DEPDC5: variants seen among roughly 807,000 people sequenced by gnomAD.
DEPDC5 encodes GATOR1 complex protein DEPDC5.
In DEPDC5, 73 loss-of-function variants were observed where a neutral mutation model predicts 217.3. The observed-to-expected ratio is 0.34, with a 90% CI of 0.28 to 0.41. The LOEUF is 0.41. DEPDC5 is among the 10% of genes least tolerant of loss of function. The probability of loss-of-function intolerance (pLI) is 1.00; values close to 1 mark genes in which losing one functional copy is unlikely to be tolerated. For synonymous variants in DEPDC5, 733 were observed against 756.7 expected (o/e 0.97, Z 0.51); for missense variants, 1,675 against 2,070.1 (o/e 0.81, Z 3.70).
rs767934235 is a variant in DEPDC5, at chr22:31,804,148, T to G, written c.1082-14T>G. On this transcript the variant is annotated splice_polypyrimidine_tract_variant and intron_variant, in intron 15 of 42. Coordinates refer to ENST00000651528, the MANE Select transcript of DEPDC5 (RefSeq NM_001242896.3). The stretch of plus-strand genomic sequence containing the variant: ...TTCCCTCCCCACAATTCTTTTTGTC[T>G]TTTCTTTTTTTAGGAATTGGTGTGG... 3 of 1,613,900 alleles carry G rather than the reference T, an allele frequency of 1.9e-6. No homozygotes were observed. The African/African-American group carries it at 4.0e-5, about 22-fold the overall frequency.
chr22:31,880,351 A>G (rs770671367), intron 38 of DEPDC5: 2 of 155,524 alleles, frequency 1.3e-5, no homozygotes, highest in African/African-American at 2.4e-5. Context: ...GAAATGGGGA[A>G]CTCTGAGCTA....
intron 31 of DEPDC5, among the ~76,000 whole-genome samples, chr22:31,857,058 A>G (rs117301147): frequency 7.8e-4 from 119 of 152,344 alleles, no homozygotes; most frequent in Non-Finnish European, 1.5e-3. Flanking sequence ...GGCATGAGCC[A>G]CCACACAGTC....
intron 24 of DEPDC5, among the ~76,000 whole-genome samples, chr22:31,828,864 A>C (rs577793934): frequency 6.6e-6 from 1 of 152,354 alleles, no homozygotes; most frequent in African/African-American, 2.4e-5. Context: ...TTCTCTTTCA[A>C]GCAATTCCCA....
chr22:31,906,494 G>T lies in DEPDC5; in HGVS notation c.4809G>T (p.Pro1603=). ...SCLEKMHASA[P] Reference sequence around the variant, plus strand: ...TGGAGAAGATGCATGCCAGTGCCCCGTGAGGCCAGGCTGCACCTGTGCTGG... The same window carrying T: ...TGGAGAAGATGCATGCCAGTGCCCCTTGAGGCCAGGCTGCACCTGTGCTGG... The change falls in exon 43 of 43, where the codon CCG becomes CCT. Residue 1603 remains proline (P), a synonymous_variant. Transcript: ENST00000651528. The surrounding 1 kb of genome is among the most constrained non-coding windows in gnomAD (Gnocchi z 5.1). 6.2e-7 allele frequency: 1 copy of T among 1,613,588 alleles called. No homozygotes were observed. Among genetic ancestry groups the T allele is most frequent in the East Asian group, 2.2e-5 (1 of 44,878 alleles).
At chr22:31,837,701 CT>C (rs1040340000) in intron 26 of DEPDC5, among the ~76,000 whole-genome samples, 1 of 148,176 alleles carries the variant, frequency 6.7e-6, no homozygotes, top group African/African-American at 2.5e-5. Context: ...ATTTGGGTAA[CT>C]TTTTTTTTTA....
chr22:31,814,478 G>C (rs1821504738), intron 20 of DEPDC5: 1 of 154,196 alleles, frequency 6.5e-6, no homozygotes, highest in South Asian at 2.0e-4. Context: ...AATGCCTTTT[G>C]TGTGTGTGTG....
chr22:31,824,839 G>A (rs1333934369), intron 24 of DEPDC5, among the ~76,000 whole-genome samples: 6 of 152,008 alleles, frequency 3.9e-5, no homozygotes, highest in African/African-American at 1.4e-4. Flanking sequence ...AACTGGGCGT[G>A]GTGGCGGGCA....
Position 31,906,174 on chromosome 22 carries a change from C to T in DEPDC5, c.4520-31C>T. On this transcript the variant is annotated intron_variant, in intron 42 of 42. Coordinates refer to ENST00000651528, the MANE Select transcript of DEPDC5 (RefSeq NM_001242896.3). The surrounding 1 kb of genome is among the most constrained non-coding windows in gnomAD (Gnocchi z 5.1). ...CAGGCTCCAGGAGCCCTCCTGGTGGCTGCCACACAGGCGCTCCCCTTTCTC... is the reference window on the plus strand; with the variant it reads ...CAGGCTCCAGGAGCCCTCCTGGTGGTTGCCACACAGGCGCTCCCCTTTCTC... 6.2e-7 allele frequency: 1 copy of T among 1,612,654 alleles called. No homozygotes were observed. The highest frequency in any genetic ancestry group is 8.5e-7 in the Non-Finnish European group (1 of 1,179,078).
chr22:31,817,632 G>A (rs2089278943), intron 21 of DEPDC5: 1 of 183,294 alleles, frequency 5.5e-6, no homozygotes, highest in South Asian at 9.8e-5. Context: ...GGGACTACAG[G>A]TGTGCACCAC....
At position 31,906,640 on chromosome 22, in the gene DEPDC5, T is replaced by G; in HGVS notation, c.*143T>G. On this transcript the variant is annotated 3_prime_UTR_variant, in exon 43 of 43. Coordinates refer to ENST00000651528, the MANE Select transcript of DEPDC5 (RefSeq NM_001242896.3). This position sits in a 1 kb window ranked among gnomAD's most constrained non-coding sequence, Gnocchi z 5.1. ...GGGCCATTGTTTTTTGTTTGTTTGT[T>G]TGTTTGTTTGTTTGTTTTTGGCCCC... 2 of 1,108,990 alleles carry G rather than the reference T, an allele frequency of 1.8e-6. No homozygotes were observed. The highest frequency in any genetic ancestry group is 2.5e-6 in the Non-Finnish European group (2 of 785,468). 68.7% of individuals were successfully genotyped at this position (1,108,990 alleles called of 1,614,324 possible). A position where few individuals can be genotyped will look rare whatever the true frequency, so the allele number is the denominator to read the frequency against.
At chr22:31,810,672 A>G in intron 20 of DEPDC5, 31 bp downstream of exon 20, 2 of 1,611,848 alleles carry the variant, frequency 1.2e-6, no homozygotes, top group Non-Finnish European at 1.7e-6. Context: ...GGGGGTGCAT[A>G]TAAAAATTGT....
At chr22:31,762,933 G>A (rs1279599136) in intron 4 of DEPDC5, among the ~76,000 whole-genome samples, 5 of 151,928 alleles carry the variant, frequency 3.3e-5, no homozygotes, top group African/African-American at 1.2e-4. Flanking sequence ...TCCTGCCTCA[G>A]CCTCCCAGGT....
At chr22:31,847,008 A>G in intron 31 of DEPDC5, 41 bp downstream of exon 31, 1 of 1,613,788 alleles carries the variant, frequency 6.2e-7, no homozygotes, top group Non-Finnish European at 8.5e-7. Context: ...CCACCTTGAC[A>G]GCCCTGAGGG....
At chr22:31,884,326 C>G (rs567455795) in intron 38 of DEPDC5, among the ~76,000 whole-genome samples, 1 of 152,212 alleles carries the variant, frequency 6.6e-6, no homozygotes, top group African/African-American at 2.4e-5. Flanking sequence ...TAAAGCATCC[C>G]TGTCGATCTG....
intron 38 of DEPDC5, among the ~76,000 whole-genome samples, chr22:31,882,117 A>T (rs1035940592): frequency 6.6e-6 from 1 of 152,208 alleles, no homozygotes; most frequent in Non-Finnish European, 1.5e-5. Context: ...AGTGTTAATC[A>T]TTCACTTATA....
chr22:31,864,770 C>T lies in DEPDC5; in HGVS notation c.3330+3337C>T, dbSNP rs886995611. ...GTGGTGCGATCTCAGCCCACTGTAA[C>T]CTCCGCCTCCTGGGTTCAAGTGATT... On this transcript the variant is annotated intron_variant, in intron 33 of 42. Transcript: ENST00000651528. Among the ~76,000 whole-genome samples the T allele has an allele frequency of 2.0e-5, 3 of 151,674 alleles. No homozygotes were observed. The South Asian group carries it at 6.2e-4, about 32-fold the overall frequency.
At chr22:31,886,308 T>C (rs2093311142) in intron 38 of DEPDC5, among the ~76,000 whole-genome samples, 1 of 152,190 alleles carries the variant, frequency 6.6e-6, no homozygotes, top group African/African-American at 2.4e-5. Context: ...AGGCATGAGC[T>C]GATTCCCTCT....
At chr22:31,807,634 G>T (rs993230453) in intron 18 of DEPDC5, among the ~76,000 whole-genome samples, 1 of 152,156 alleles carries the variant, frequency 6.6e-6, no homozygotes, top group African/African-American at 2.4e-5. Flanking sequence ...GGTTTCACAT[G>T]TTGGCCAGGG....
At chr22:31,834,059 C>T (rs1229327753) in intron 25 of DEPDC5, 79 bp downstream of exon 25, 2 of 1,438,812 alleles carry the variant, frequency 1.4e-6, no homozygotes, top group Admixed American at 1.7e-5. Flanking sequence ...CAAGAGGAAG[C>T]CCTGTGGGAA....
Sources: gnomAD v4.1 joint callset for allele counts (sites outside exome capture counted in the v4.1 genomes callset) on GRCh38, gnomAD v4.1.1 for gene constraint, Gnocchi (gnomAD v3.1) non-coding constraint, MANE v1.5 for transcripts, NCBI Gene and HGNC (gene_info 2026-07-23, HGNC 2026-07-21) for gene names.